Variants in PCCB observed in about 807,000 individuals in gnomAD.
PCCB encodes propionyl-CoA carboxylase subunit beta.
A neutral mutation model predicts 60.7 loss-of-function variants in PCCB; 43 were observed. The observed-to-expected ratio is 0.71, with a 90% CI of 0.55 to 0.91. The LOEUF (loss-of-function observed/expected upper bound fraction) is 0.91, where lower values mean the gene tolerates loss of function less well. Among genes scored for constraint, PCCB ranks in the 40% least tolerant of loss-of-function variants. The pLI, the probability that PCCB is intolerant of heterozygous loss-of-function variation, is 0.00. For missense variants in PCCB, 766 were observed against 702.8 expected, an observed-to-expected ratio of 1.09 and a Z score of -1.02; for synonymous variants, 276 against 255.9, an observed-to-expected ratio of 1.08 and a Z score of -0.75.
At position 136,299,899 on chromosome 3, in the gene PCCB, C is replaced by G. The variant is rs190216236; in HGVS notation, c.885-1131C>G. Among the ~76,000 whole-genome samples, 9 of 151,256 alleles carry G rather than the reference C, an allele frequency of 6.0e-5. No individual in the cohort carries two copies. The East Asian group carries it at 1.8e-3, about 30-fold the overall frequency. On this transcript the variant is annotated intron_variant, in intron 8 of 14. Transcript: ENST00000251654. ...GCATGTGTATGTACGTATATGCGTACATATGTATGCATGTATATGTATGCA... is the reference window on the plus strand; with the variant it reads ...GCATGTGTATGTACGTATATGCGTAGATATGTATGCATGTATATGTATGCA...
intron 9 of PCCB, among the ~76,000 whole-genome samples, chr3:136,309,676 T>C (rs886906113): frequency 6.6e-6 from 1 of 152,000 alleles, no homozygotes; most frequent in African/African-American, 2.4e-5. Context: ...GGCATGCACC[T>C]ATAGTCCCAG....
intron 10 of PCCB, chr3:136,326,487 C>T (rs1935314660): frequency 1.5e-6 from 1 of 677,778 alleles, no homozygotes. Flanking sequence ...CTCTCTAAGA[C>T]CAGCCCTTGA....
At chr3:136,263,226 T>C (rs1038178334) in intron 5 of PCCB, among the ~76,000 whole-genome samples, 1 of 150,508 alleles carries the variant, frequency 6.6e-6, no homozygotes. Context: ...GTGCTGGGAT[T>C]ACAGGTGTGA....
chr3:136,259,163 C>T (rs1196995474), intron 3 of PCCB: 4 of 1,464,268 alleles, frequency 2.7e-6, no homozygotes, highest in Non-Finnish European at 2.7e-6. Flanking sequence ...TTTAACCTTT[C>T]TTTTTAAAAC....
At chr3:136,307,701 C>T (rs186686141) in intron 9 of PCCB, among the ~76,000 whole-genome samples, 10 of 152,028 alleles carry the variant, frequency 6.6e-5, no homozygotes, top group East Asian at 3.9e-4. Flanking sequence ...ACAGGCCAGG[C>T]GTGGTGGCTC....
At chr3:136,268,136 A>ATGTGTATATATATATC (rs1465556201) in intron 5 of PCCB, among the ~76,000 whole-genome samples, 1 of 128,590 alleles carries the variant, frequency 7.8e-6, no homozygotes, top group Non-Finnish European at 1.6e-5. Context: ...ATATATATAT[A>ATGTGTATATATATATC]TATATCTACA....
intron 5 of PCCB, among the ~76,000 whole-genome samples, chr3:136,283,058 T>G (rs1262270877): frequency 6.6e-6 from 1 of 152,240 alleles, no homozygotes; most frequent in East Asian, 1.9e-4. Context: ...AAGCATAGAT[T>G]ACATTTTGCA....
chr3:136,299,796 ATGTG>A (rs1320681515), intron 8 of PCCB, among the ~76,000 whole-genome samples: 1 of 151,066 alleles, frequency 6.6e-6, no homozygotes, highest in Non-Finnish European at 1.5e-5. Context: ...ATGTATATGC[ATGTG>A]TATGTATAGG....
chr3:136,295,458 C>A (rs774256861), intron 7 of PCCB, among the ~76,000 whole-genome samples: 1 of 152,196 alleles, frequency 6.6e-6, no homozygotes, highest in Non-Finnish European at 1.5e-5. Flanking sequence ...CATTTAGCCC[C>A]ATCTTTAAGA....
In PCCB at chr3:136,283,817, T is replaced by C. The variant is rs370010917; in HGVS notation, c.544-20T>C. On this transcript the variant is annotated intron_variant, in intron 5 of 14. Transcript: ENST00000251654. ...CAAACATCTCTGTAACCAGATGCTTTTGCTTTTCTGTTTTGGCAGAGGAAT... is the reference window on the plus strand; with the variant it reads ...CAAACATCTCTGTAACCAGATGCTTCTGCTTTTCTGTTTTGGCAGAGGAAT... The C allele has an allele frequency of 3.8e-5, 57 of 1,500,866 alleles. No homozygotes were observed. In the Middle Eastern group the frequency reaches 5.1e-4, roughly 14 times the overall value. The allele number at this position is 1,500,866 out of a possible 1,614,324, so 93.0% of individuals were successfully genotyped here.
intron 9 of PCCB, among the ~76,000 whole-genome samples, chr3:136,315,895 G>A (rs1934871657): frequency 6.8e-6 from 1 of 147,844 alleles, no homozygotes. Flanking sequence ...TTATAAAAAA[G>A]AATGTTCTTA....
Position 136,318,882 on chromosome 3 carries a change from A to G in PCCB, c.1090+1818A>G, listed in dbSNP as rs183460786. 5.9e-5 allele frequency among the ~76,000 whole-genome samples: 9 copies of G among 152,306 alleles called. No homozygotes were observed. The East Asian group carries it at 1.7e-3, about 29-fold the overall frequency. ...ATAATGCTGGAATAAACATTGATATATAAGTATCTGTTTGAACCTCAGTTT... is the reference window on the plus strand; with the variant it reads ...ATAATGCTGGAATAAACATTGATATGTAAGTATCTGTTTGAACCTCAGTTT... On this transcript the variant is annotated intron_variant, in intron 10 of 14. Transcript: ENST00000251654.
At chr3:136,255,817 C>CT in intron 1 of PCCB, 39 bp from the exon 2 acceptor site, 1 of 1,584,588 alleles carries the variant, frequency 6.3e-7, no homozygotes, top group Non-Finnish European at 8.7e-7. Flanking sequence ...ACTAAATTGT[C>CT]TGTGATGACA....
chr3:136,258,873 G>A (rs1266321620), intron 3 of PCCB, among the ~76,000 whole-genome samples: 1 of 151,730 alleles, frequency 6.6e-6, no homozygotes, highest in Non-Finnish European at 1.5e-5. Context: ...TGGTTCCTGG[G>A]TTGTCTTCTC....
intron 8 of PCCB, among the ~76,000 whole-genome samples, chr3:136,299,982 G>A (rs1041113839): frequency 2.6e-5 from 4 of 151,680 alleles, no homozygotes; most frequent in Non-Finnish European, 5.9e-5. Context: ...ATACACACAT[G>A]CATGTGTATA....
intron 9 of PCCB, among the ~76,000 whole-genome samples, chr3:136,307,111 C>G (rs1297020515): frequency 8.2e-6 from 1 of 122,164 alleles, no homozygotes; most frequent in African/African-American, 2.5e-5. Flanking sequence ...GAATCTGTGA[C>G]TAAGGATTTT....
intron 6 of PCCB, among the ~76,000 whole-genome samples, chr3:136,288,843 C>T (rs1408528378): frequency 6.6e-6 from 1 of 152,050 alleles, no homozygotes. Context: ...TGCTGTGTCG[C>T]CCATGCTGAA....
intron 10 of PCCB, among the ~76,000 whole-genome samples, chr3:136,323,634 A>T (rs907550182): frequency 1.3e-5 from 2 of 152,104 alleles, no homozygotes; most frequent in Admixed American, 1.3e-4. Flanking sequence ...AAATACAAAA[A>T]ATGAGCCGGA....
chr3:136,308,316 T>G (rs1297124825), intron 9 of PCCB, among the ~76,000 whole-genome samples: 2 of 149,098 alleles, frequency 1.3e-5, no homozygotes, highest in Non-Finnish European at 3.0e-5. Context: ...CCACCGCAAC[T>G]TCCACCTCCC....
Sources: gnomAD v4.1 joint callset for allele counts (sites outside exome capture counted in the v4.1 genomes callset) on GRCh38, gnomAD v4.1.1 for gene constraint, MANE v1.5 for transcripts, NCBI Gene and HGNC (gene_info 2026-07-23, HGNC 2026-07-21) for gene names.